Variants in CACNA1C observed in about 807,000 individuals in gnomAD.
CACNA1C encodes the protein voltage-dependent L-type calcium channel subunit alpha-1C.
CACNA1C carries 30 observed loss-of-function variants against 229.0 expected under a neutral mutation model. The ratio of observed to expected loss-of-function variants is 0.13; its 90% CI spans 0.10 to 0.18. The LOEUF (loss-of-function observed/expected upper bound fraction) is 0.18. Ranked by LOEUF, CACNA1C falls within the 10% of genes least tolerant of loss-of-function variation. The pLI is 1.00. For missense variants in CACNA1C, 1,658 were observed against 2,845.0 expected (o/e 0.58, Z 9.49); for synonymous variants, 1,114 against 1,132.5 (o/e 0.98, Z 0.33).
intron 3 of CACNA1C, among the ~76,000 whole-genome samples, chr12:2,182,359 G>C (rs976695407): frequency 6.6e-5 from 10 of 152,064 alleles, no homozygotes; most frequent in Middle Eastern, 3.2e-3. Flanking sequence ...TTCTGCTTCT[G>C]CTTCTACGAG....
At chr12:2,337,244 G>T (rs2096725530) in intron 3 of CACNA1C, among the ~76,000 whole-genome samples, 1 of 152,246 alleles carries the variant, frequency 6.6e-6, no homozygotes, top group Admixed American at 6.5e-5. Flanking sequence ...CCCTTCCCCT[G>T]TAGAACTGAG....
intron 39 of CACNA1C, 145 bp from the exon 40 acceptor site, chr12:2,676,945 TTCTC>T: frequency 1.6e-6 from 1 of 625,584 alleles, no homozygotes; most frequent in South Asian, 2.1e-5. Flanking sequence ...ATGGTTTTTT[TTCTC>T]TCTTTTTAAG....
chr12:2,613,353 T>G (rs981560474), intron 29 of CACNA1C: 1 of 152,222 alleles, frequency 6.6e-6, no homozygotes, highest in Non-Finnish European at 1.5e-5. Context: ...GAACGGAGAC[T>G]GGAATCCGGC....
chr12:2,418,896 AC>A lies in CACNA1C; in HGVS notation c.478-30078del, dbSNP rs1164974414. Reference sequence around the variant, plus strand: ...GGGATTGGGAGCTGAGGGGTTCTTTACCTCCTGGAGTCACAGAGCCCCTTAT... The same window carrying A: ...GGGATTGGGAGCTGAGGGGTTCTTTACTCCTGGAGTCACAGAGCCCCTTAT... On this transcript the variant is annotated intron_variant, in intron 3 of 46. Transcript: ENST00000399655. 3.3e-5 allele frequency among the ~76,000 whole-genome samples: 5 copies of A among 151,982 alleles called. No homozygotes were observed. In the East Asian group the frequency reaches 9.7e-4, roughly 29 times the overall value.
At chr12:2,669,537 T>C (rs2096438153) in intron 38 of CACNA1C, among the ~76,000 whole-genome samples, 1 of 152,134 alleles carries the variant, frequency 6.6e-6, no homozygotes, top group South Asian at 2.1e-4. Flanking sequence ...TCAGAGGGTA[T>C]AGCTCACAAA....
chr12:2,173,006 C>T (rs2096542488), intron 3 of CACNA1C, among the ~76,000 whole-genome samples: 1 of 152,112 alleles, frequency 6.6e-6, no homozygotes, highest in Admixed American at 6.5e-5. Flanking sequence ...AGGAGACTGG[C>T]GTCTGTCCAG....
Position 2,667,321 on chromosome 12 carries a change from C to CAT in CACNA1C, c.4623+539_4623+540insAT, listed in dbSNP as rs1569149373. On this transcript the variant is annotated intron_variant, in intron 37 of 46. Coordinates refer to ENST00000399655, the MANE Select transcript of CACNA1C (RefSeq NM_000719.7). ...TCCCTCCTCTCCACCGTGGCCATTC[C>CAT]GTGCTCCTTGTTGGGGCAATAATGA... 1.0e-3 allele frequency among the ~76,000 whole-genome samples: 154 copies of CAT among 146,790 alleles called. 2 individuals are homozygous for CAT. The highest frequency in any genetic ancestry group is 4.0e-3 in the African/African-American group (146 of 36,878).
intron 3 of CACNA1C, among the ~76,000 whole-genome samples, chr12:2,120,656 CTGTGTGTGTGTGTGTGTGTGTG>C (rs112680750): frequency 7.2e-6 from 1 of 139,778 alleles, no homozygotes; most frequent in African/African-American, 2.7e-5. Flanking sequence ...GTGGTGAGCT[CTGTGTGTGTGTGTGTGTGTGTG>C]TGTGTGTGTG....
At chr12:2,450,323 G>A (rs2099350011) in intron 4 of CACNA1C, among the ~76,000 whole-genome samples, 1 of 152,076 alleles carries the variant, frequency 6.6e-6, no homozygotes, top group Non-Finnish European at 1.5e-5. Flanking sequence ...GGGAGGCCAA[G>A]GCGGGCGGAT....
chr12:2,577,545 A>T (rs867795477), intron 13 of CACNA1C, among the ~76,000 whole-genome samples: 1 of 152,250 alleles, frequency 6.6e-6, no homozygotes, highest in African/African-American at 2.4e-5. Flanking sequence ...CTATGGGAAT[A>T]GGAAGGCTAT....
chr12:2,529,615 G>T (rs1281470335), intron 9 of CACNA1C, among the ~76,000 whole-genome samples: 2 of 152,192 alleles, frequency 1.3e-5, no homozygotes, highest in African/African-American at 4.8e-5. Flanking sequence ...CTAAAACGAG[G>T]TTGGGCCAGA....
At chr12:2,276,758 A>T (rs191218604) in intron 3 of CACNA1C, among the ~76,000 whole-genome samples, 3 of 152,208 alleles carry the variant, frequency 2.0e-5, no homozygotes, top group Non-Finnish European at 2.9e-5. Flanking sequence ...TATTTGGAGC[A>T]CTATGGAAAT....
Position 2,479,166 on chromosome 12 carries a change from C to T in CACNA1C, c.758-6938C>T, listed in dbSNP as rs1433012518. Among the ~76,000 whole-genome samples, 2 of 151,836 alleles carry T rather than the reference C, an allele frequency of 1.3e-5. No homozygotes were observed. The highest frequency in any genetic ancestry group is 3.4e-3 in the Middle Eastern group (1 of 294). On this transcript the variant is annotated intron_variant, in intron 5 of 46. Transcript: ENST00000399655. This position sits in a 1 kb window ranked among gnomAD's most constrained non-coding sequence, Gnocchi z 4.3. ...TCGGTGGGCACAGTAAGGACAGTGC[C>T]CTTCACTTGAACACCTGTTTTTTTT... is the stretch of plus-strand genomic sequence containing the variant.
chr12:2,345,900 T>G (rs2096999929), intron 3 of CACNA1C, among the ~76,000 whole-genome samples: 1 of 152,278 alleles, frequency 6.6e-6, no homozygotes, highest in Non-Finnish European at 1.5e-5. Flanking sequence ...AATTCCAAGG[T>G]CCAGGACTTG....
intron 3 of CACNA1C, among the ~76,000 whole-genome samples, chr12:2,209,804 T>C (rs2097862866): frequency 6.6e-6 from 1 of 152,210 alleles, no homozygotes. Context: ...CTTTGTTTCC[T>C]CAAGAGCCAA....
intron 3 of CACNA1C, among the ~76,000 whole-genome samples, chr12:2,188,797 A>G (rs1267306711): frequency 6.6e-6 from 1 of 152,146 alleles, no homozygotes; most frequent in African/African-American, 2.4e-5. Context: ...ATCCTTTAGA[A>G]GAAGGAAGAA....
chr12:2,495,508 C>G (rs1368249763), intron 7 of CACNA1C, among the ~76,000 whole-genome samples: 1 of 152,216 alleles, frequency 6.6e-6, no homozygotes, highest in Non-Finnish European at 1.5e-5. Context: ...CTTCACCACT[C>G]CCTTCTTCTC....
intron 1 of CACNA1C, among the ~76,000 whole-genome samples, chr12:2,039,826 G>A (rs2049772868): frequency 6.6e-6 from 1 of 151,106 alleles, no homozygotes; most frequent in African/African-American, 2.5e-5. Context: ...ATAGGGGTGA[G>A]CATCCCTGTG....
At position 2,608,457 on chromosome 12, in the gene CACNA1C, C is replaced by T. The variant is rs2076274551; in HGVS notation, c.3357-54C>T. The stretch of plus-strand genomic sequence containing the variant: ...CTGGAGCAGTGGTGCCGTCCTTCCG[C>T]AGAGGGGACCCTGCTTCTCCAGTTC... On this transcript the variant is annotated intron_variant, in intron 26 of 46. Transcript: ENST00000399655. This position sits in a 1 kb window ranked among gnomAD's most constrained non-coding sequence, Gnocchi z 4.2. 2.1e-6 allele frequency: 3 copies of T among 1,404,570 alleles called. No individual in the cohort carries two copies. The Admixed American group carries it at 6.0e-5, about 28-fold the overall frequency. 87.0% of individuals were successfully genotyped at this position (1,404,570 alleles called of 1,614,324 possible). A position where few individuals can be genotyped will look rare whatever the true frequency, so the allele number is the denominator to read the frequency against.
Sources: allele counts gnomAD v4.1 joint callset (sites outside exome capture counted in the v4.1 genomes callset), GRCh38; gene constraint gnomAD v4.1.1; non-coding constraint Gnocchi (gnomAD v3.1); transcripts MANE v1.5; gene names NCBI Gene and HGNC (gene_info 2026-07-23, HGNC 2026-07-21).